HHIPL1: variants seen among roughly 807,000 people sequenced by gnomAD.
HHIPL1 encodes the protein HHIP-like protein 1.
Under a neutral mutation model 61.8 loss-of-function variants are expected in HHIPL1, and 43 were observed. The observed-to-expected ratio is 0.70, with a 90% CI of 0.55 to 0.90. HHIPL1 has a LOEUF of 0.90. HHIPL1 is among the 40% of genes least tolerant of loss of function. HHIPL1 has a pLI of 0.00. For synonymous variants in HHIPL1, 482 were observed against 515.8 expected (o/e 0.93, Z 0.89); for missense variants, 1,056 against 1,157.7 (o/e 0.91, Z 1.28).
chr14:99,631,094 TTCTTTCTTTCTTTCTC>T, the HHIPL1 span, among the ~76,000 whole-genome samples: 3 of 136,612 alleles, frequency 2.2e-5, no homozygotes, highest in African/African-American at 8.3e-5. Context: ...CTTTCTTTCT[TTCTTTCTTTCTTTCTC>T]TCTCTTTCTT....
At chr14:99,645,086 C>T (rs1426990253), upstream of HHIPL1, 12 of 889,910 alleles carry the variant, frequency 1.3e-5, no homozygotes, top group African/African-American at 1.9e-4. Context: ...AAGGGGAGGT[C>T]CCCAAACTCG....
chr14:99,655,816 G>A (rs369995630), intron 2 of HHIPL1, among the ~76,000 whole-genome samples: 2 of 152,296 alleles, frequency 1.3e-5, no homozygotes, highest in African/African-American at 2.4e-5. Context: ...ACCACTCTTG[G>A]GTTGGAGGAA....
chr14:99,655,629 GAA>G (rs898843506), intron 2 of HHIPL1, among the ~76,000 whole-genome samples: 3 of 152,070 alleles, frequency 2.0e-5, no homozygotes, highest in Non-Finnish European at 4.4e-5. Context: ...AGGAAAAAAA[GAA>G]AGAAAGAAAA....
At chr14:99,672,226 T>TG in intron 7 of HHIPL1, 91 bp from the exon 8 acceptor site, 1 of 934,968 alleles carries the variant, frequency 1.1e-6, no homozygotes, top group South Asian at 1.4e-5. Context: ...TTACTATCGT[T>TG]GCTGTTCATA....
chr14:99,639,348 TTTA>T, the HHIPL1 span, among the ~76,000 whole-genome samples: 1 of 152,150 alleles, frequency 6.6e-6, no homozygotes, highest in Non-Finnish European at 1.5e-5. Flanking sequence ...TTATTTTTAT[TTTA>T]TTATTATTAT....
chr14:99,631,096 CTTTCTTTCTT>C, the HHIPL1 span, among the ~76,000 whole-genome samples: 111 of 147,380 alleles, frequency 7.5e-4, no homozygotes, highest in Middle Eastern at 3.4e-3. Flanking sequence ...TTCTTTCTTT[CTTTCTTTCTT>C]TCTCTCTCTT....
the HHIPL1 span, among the ~76,000 whole-genome samples, chr14:99,623,724 C>T: frequency 5.9e-5 from 9 of 152,196 alleles, no homozygotes; most frequent in South Asian, 1.7e-3. Context: ...CTGATAGACA[C>T]TCTTGAAGGA....
chr14:99,652,746 T>C lies in HHIPL1; in HGVS notation c.778T>C (p.Phe260Leu). The C allele has an allele frequency of 6.2e-7, 1 of 1,614,046 alleles. No individual in the cohort carries two copies. The highest frequency in any genetic ancestry group is 8.5e-7 in the Non-Finnish European group (1 of 1,180,046). ...CCTGGGCATTGCCTTCCACCCCAGC[T>C]TCCAGCACAACCGCAGGCTCTACGT... ...GFLGIAFHPS[F>L]QHNRRLYVYY... The change falls in exon 2 of 9, where the codon TTC becomes CTC. Residue 260 changes from phenylalanine to leucine, a missense_variant. Transcript: ENST00000330710.
Position 99,662,904 on chromosome 14 carries a change from G to C in HHIPL1, c.1531G>C (p.Gly511Arg), listed in dbSNP as rs755990704. ...GRLMSLQENP[G>R]TGQWQYSEIC... ...TCTGATGTCCCTCCAAGAGAACCCA[G>C]GGACAGGCCAGTGGCAGTACAGTGA... Residue 511 changes from glycine to arginine, a missense_variant, in exon 6 of 9, where the codon GGG (glycine) becomes CGG (arginine). Transcript: ENST00000330710. The C allele has an allele frequency of 6.2e-7, 1 of 1,611,442 alleles. No individual in the cohort carries two copies. Among genetic ancestry groups the C allele is most frequent in the South Asian group, 1.1e-5 (1 of 90,546 alleles).
chr14:99,643,850 G>A (rs972632081), upstream of HHIPL1, among the ~76,000 whole-genome samples: 1 of 152,190 alleles, frequency 6.6e-6, no homozygotes, highest in African/African-American at 2.4e-5. Context: ...TGGCCAGACA[G>A]GCCTTGTGAG....
At chr14:99,663,156 T>C (rs2056182489) in intron 6 of HHIPL1, 135 bp downstream of exon 6, 1 of 798,352 alleles carries the variant, frequency 1.3e-6, no homozygotes. Flanking sequence ...GGATGTTCCC[T>C]GGCTCCAGAC....
chr14:99,645,051 TC>T (rs1437575115), upstream of HHIPL1: 3 of 566,076 alleles, frequency 5.3e-6, no homozygotes, highest in Non-Finnish European at 7.9e-6. Flanking sequence ...CCGCCGAGTG[TC>T]CCCGACCAGA....
At chr14:99,637,051 GAAGGAAGGAAAA>G in the HHIPL1 span, among the ~76,000 whole-genome samples, 1 of 78,850 alleles carries the variant, frequency 1.3e-5, no homozygotes, top group African/African-American at 4.4e-5. Flanking sequence ...AAGAAAGAAG[GAAGGAAGGAAAA>G]AAGAAAGAAA....
chr14:99,654,503 T>A (rs1360985736), intron 2 of HHIPL1, among the ~76,000 whole-genome samples: 1 of 152,216 alleles, frequency 6.6e-6, no homozygotes, highest in Non-Finnish European at 1.5e-5. Context: ...TGAACCTCGC[T>A]GGAGGCCAGC....
chr14:99,639,802 C>T, the HHIPL1 span, among the ~76,000 whole-genome samples: 1 of 152,050 alleles, frequency 6.6e-6, no homozygotes, highest in East Asian at 1.9e-4. Flanking sequence ...GCTGGGACTA[C>T]AGGCACGCGC....
At chr14:99,647,139 G>A (rs1439550333) in intron 1 of HHIPL1, among the ~76,000 whole-genome samples, 11 of 152,116 alleles carry the variant, frequency 7.2e-5, no homozygotes, top group East Asian at 1.9e-4. Context: ...TCGCTGAAGC[G>A]AGCTCATATC....
chr14:99,654,188 CAAAAAAAAAAA>C (rs754501639), intron 2 of HHIPL1, among the ~76,000 whole-genome samples: 2 of 90,026 alleles, frequency 2.2e-5, no homozygotes, highest in Non-Finnish European at 2.0e-5. Flanking sequence ...GACTCTGTCT[CAAAAAAAAAAA>C]AAAAAAAAAG....
chr14:99,645,805 C>T (rs1414762648), intron 1 of HHIPL1, among the ~76,000 whole-genome samples: 9 of 152,338 alleles, frequency 5.9e-5, no homozygotes, highest in Middle Eastern at 3.4e-3. Context: ...CGTCCCACCC[C>T]GAGCAGCTGC....
Position 99,645,291 on chromosome 14 carries a change from G to A in HHIPL1, c.84G>A (p.Pro28=). The part of the protein sequence containing the change: ...AAHPQCLDFR[P]PFRPTQPLRL... ...ATCCGCAGTGCCTGGACTTCAGGCC[G>A]CCCTTCCGGCCGACGCAGCCGCTGC... Residue 28 remains proline (P), a synonymous_variant, in exon 1 of 9, where the codon CCG becomes CCA. Transcript: ENST00000330710. 6.9e-7 allele frequency: 1 copy of A among 1,447,764 alleles called. No homozygotes were observed. The highest frequency in any genetic ancestry group is 1.4e-5 in the South Asian group (1 of 73,600). 89.7% of individuals were successfully genotyped at this position (1,447,764 alleles called of 1,614,324 possible).
Sources: gnomAD v4.1 joint callset for allele counts (sites outside exome capture counted in the v4.1 genomes callset) on GRCh38, gnomAD v4.1.1 for gene constraint, MANE v1.5 for transcripts, NCBI Gene and HGNC (gene_info 2026-07-23, HGNC 2026-07-21) for gene names.